The following MYT1L variants were observed in gnomAD, a reference collection of about 807,000 sequenced individuals.
MYT1L encodes myelin transcription factor 1 like.
In MYT1L, 12 loss-of-function variants were observed where a neutral mutation model predicts 126.7. The ratio of observed to expected loss-of-function variants is 0.09; its 90% CI spans 0.06 to 0.15. The LOEUF is 0.15. Among genes scored for constraint, MYT1L ranks in the 10% least tolerant of loss-of-function variants. MYT1L has a pLI of 1.00. For synonymous variants in MYT1L, 541 were observed against 604.2 expected (o/e 0.90, Z 1.53); for missense variants, 979 against 1,585.2 (o/e 0.62, Z 6.49).
chr2:2,279,568 T>TGAAGGAAGGAAGGAAG (rs199817306), intron 2 of MYT1L, among the ~76,000 whole-genome samples: 11 of 145,090 alleles, frequency 7.6e-5, no homozygotes, highest in South Asian at 2.3e-4. Context: ...AATGAATGAA[T>TGAAGGAAGGAAGGAAG]GAAGGAAGGA....
At chr2:2,159,011 A>T (rs1015194352) in intron 3 of MYT1L, among the ~76,000 whole-genome samples, 5 of 152,308 alleles carry the variant, frequency 3.3e-5, no homozygotes, top group South Asian at 2.1e-4. Flanking sequence ...GTAGGAGAAG[A>T]AGTCTAACCT....
At chr2:2,273,839 CT>C (rs1459168519) in intron 2 of MYT1L, among the ~76,000 whole-genome samples, 1 of 152,144 alleles carries the variant, frequency 6.6e-6, no homozygotes, top group Non-Finnish European at 1.5e-5. Context: ...AAAAGTGTTG[CT>C]TTTATCCGCC....
intron 14 of MYT1L, among the ~76,000 whole-genome samples, chr2:1,896,960 C>G (rs929304349): frequency 1.3e-5 from 2 of 152,070 alleles, no homozygotes; most frequent in Non-Finnish European, 2.9e-5. Context: ...TTGACTTTCC[C>G]AGATATTTAA....
chr2:1,942,314 C>T (rs1006705891), intron 9 of MYT1L, among the ~76,000 whole-genome samples: 3 of 152,190 alleles, frequency 2.0e-5, no homozygotes, highest in East Asian at 1.9e-4. Flanking sequence ...TCACCGTAAA[C>T]GCACTGCCGG....
chr2:1,853,115 A>G (rs1243706613), intron 18 of MYT1L, among the ~76,000 whole-genome samples: 1 of 152,238 alleles, frequency 6.6e-6, no homozygotes, highest in Non-Finnish European at 1.5e-5. Context: ...ACAGAACTCT[A>G]GATCTCAGGG....
At chr2:2,012,758 A>G (rs1276288707) in intron 4 of MYT1L, among the ~76,000 whole-genome samples, 1 of 152,112 alleles carries the variant, frequency 6.6e-6, no homozygotes, top group Non-Finnish European at 1.5e-5. Context: ...CACACCGCAC[A>G]CCCTACCCAC....
In MYT1L at chr2:1,992,509, G is replaced by A. The variant is rs541957738; in HGVS notation, c.-1+4682C>T. Among the ~76,000 whole-genome samples the A allele has an allele frequency of 5.9e-5, 9 of 152,172 alleles. No homozygotes were observed. In the South Asian group the frequency reaches 1.0e-3, roughly 18 times the overall value. On this transcript the variant is annotated intron_variant, in intron 5 of 24. Transcript: ENST00000647738. ...TGATGCCTTCTGTCCGGGAATTCTC[G>A]GGCATAAGAACCCAGAGTGGTTCTC...
chr2:1,893,632 C>T (rs1032279959), intron 14 of MYT1L, among the ~76,000 whole-genome samples: 22 of 152,210 alleles, frequency 1.4e-4, no homozygotes, highest in South Asian at 6.2e-4. Context: ...ATGGCTCCTG[C>T]GGTGTCTTCT....
chr2:1,967,772 G>A (rs971248256), intron 8 of MYT1L, among the ~76,000 whole-genome samples: 4 of 152,156 alleles, frequency 2.6e-5, no homozygotes, highest in Non-Finnish European at 5.9e-5. Flanking sequence ...CAGGCGAGAC[G>A]AGGTGCAGCG....
chr2:1,800,104 A>G (rs1284816712), intron 23 of MYT1L: 1 of 152,180 alleles, frequency 6.6e-6, no homozygotes, highest in Non-Finnish European at 1.5e-5. Flanking sequence ...CTCAAGGGTG[A>G]ATTTTTGATC....
chr2:2,033,749 T>C (rs568783576), intron 4 of MYT1L, among the ~76,000 whole-genome samples: 1 of 152,312 alleles, frequency 6.6e-6, no homozygotes, highest in East Asian at 1.9e-4. Context: ...CCAGCTGTTT[T>C]GTCCCCATTC....
intron 4 of MYT1L, among the ~76,000 whole-genome samples, chr2:2,015,456 C>T (rs577508503): frequency 4.6e-5 from 7 of 152,170 alleles, no homozygotes; most frequent in Non-Finnish European, 1.0e-4. Flanking sequence ...TGGAAGGCTA[C>T]CTCACCTCCA....
chr2:1,866,443 GGAGA>G (rs538164490), intron 18 of MYT1L, among the ~76,000 whole-genome samples: 2,284 of 145,936 alleles, frequency 0.016, 28 homozygotes, highest in Non-Finnish European at 0.027. Context: ...AGAGAGAGTG[GGAGA>G]GAGAGAGAGA....
At chr2:2,131,971 C>T (rs1397983750) in intron 3 of MYT1L, among the ~76,000 whole-genome samples, 1 of 134,448 alleles carries the variant, frequency 7.4e-6, no homozygotes. Flanking sequence ...TGCAGTGGTG[C>T]GATCTTGGCT....
chr2:2,040,552 C>T (rs1469912368), intron 4 of MYT1L, among the ~76,000 whole-genome samples: 1 of 152,132 alleles, frequency 6.6e-6, no homozygotes, highest in Non-Finnish European at 1.5e-5. Context: ...AATTACTTTT[C>T]AGGCAGGAAA....
intron 4 of MYT1L, among the ~76,000 whole-genome samples, chr2:2,001,265 T>TA (rs1224642619): frequency 3.3e-4 from 49 of 150,516 alleles, no homozygotes; most frequent in Non-Finnish European, 6.8e-4. Context: ...TTTTTTTTTT[T>TA]ATCTCTTTCT....
chr2:1,936,245 A>G (rs540774954), intron 9 of MYT1L, among the ~76,000 whole-genome samples: 18 of 152,254 alleles, frequency 1.2e-4, no homozygotes, highest in Non-Finnish European at 2.5e-4. Context: ...TTAAATGTAC[A>G]TGGCATGATA....
chr2:2,217,004 T>C (rs1359943918), intron 2 of MYT1L, among the ~76,000 whole-genome samples: 1 of 152,256 alleles, frequency 6.6e-6, no homozygotes, highest in African/African-American at 2.4e-5. Flanking sequence ...GAAAGGCTTC[T>C]ATCTACCAAA....
chr2:2,326,127 C>T (rs2096243397), intron 1 of MYT1L: 1 of 152,262 alleles, frequency 6.6e-6, no homozygotes, highest in Non-Finnish European at 1.5e-5. Context: ...GTGGAGAGAC[C>T]ATCGCACGTG....
Sources: allele counts gnomAD v4.1 joint callset (sites outside exome capture counted in the v4.1 genomes callset), GRCh38; gene constraint gnomAD v4.1.1; transcripts MANE v1.5; gene names NCBI Gene and HGNC (gene_info 2026-07-23, HGNC 2026-07-21).